The following KDM4C variants were observed in gnomAD, a reference collection of about 807,000 sequenced individuals.
KDM4C encodes lysine-specific demethylase 4C.
Under a neutral mutation model 129.3 loss-of-function variants are expected in KDM4C, and 81 were observed. The ratio of observed to expected loss-of-function variants is 0.63; its 90% CI spans 0.52 to 0.75. The LOEUF (loss-of-function observed/expected upper bound fraction) is 0.75, where lower values mean the gene tolerates loss of function less well. KDM4C is among the 30% of genes least tolerant of loss of function. The pLI, the probability that KDM4C is intolerant of heterozygous loss-of-function variation, is 0.00. For missense variants in KDM4C, 1,457 were observed against 1,304.0 expected, an observed-to-expected ratio of 1.12 and a Z score of -1.81; for synonymous variants, 573 against 456.1, an observed-to-expected ratio of 1.26 and a Z score of -3.26.
At chr9:6,840,519 C>A (rs528674348) in intron 4 of KDM4C, among the ~76,000 whole-genome samples, 19 of 152,256 alleles carry the variant, frequency 1.2e-4, no homozygotes, top group Admixed American at 1.3e-4. Flanking sequence ...GCCTCAGCCT[C>A]CCGAGTAGCT....
chr9:7,115,816 C>T (rs988106921), intron 18 of KDM4C, among the ~76,000 whole-genome samples: 1 of 152,230 alleles, frequency 6.6e-6, no homozygotes, highest in African/African-American at 2.4e-5. Context: ...AGAGGAATGC[C>T]TTATCTTCTT....
chr9:6,940,201 C>T (rs372838488), intron 8 of KDM4C, among the ~76,000 whole-genome samples: 14 of 152,272 alleles, frequency 9.2e-5, no homozygotes, highest in African/African-American at 3.4e-4. Flanking sequence ...AGTGATCCTC[C>T]TGCCTCAGCC....
chr9:6,757,532 C>A (rs1267900835), upstream of KDM4C: 1 of 703,488 alleles, frequency 1.4e-6, no homozygotes, highest in Non-Finnish European at 1.7e-6. Context: ...GGGAACACAG[C>A]GCTGTCATCG....
intron 18 of KDM4C, among the ~76,000 whole-genome samples, chr9:7,123,311 C>G (rs1470795772): frequency 6.6e-6 from 1 of 152,192 alleles, no homozygotes; most frequent in Non-Finnish European, 1.5e-5. Context: ...TTTCCAGACC[C>G]TGTGAGTTTC....
intron 8 of KDM4C, among the ~76,000 whole-genome samples, chr9:6,910,087 A>G (rs898855806): frequency 1.3e-5 from 2 of 152,190 alleles, no homozygotes; most frequent in Non-Finnish European, 2.9e-5. Flanking sequence ...TATAAAATGT[A>G]CTTGAATATT....
intron 17 of KDM4C, among the ~76,000 whole-genome samples, chr9:7,058,763 C>T (rs1209709375): frequency 6.6e-6 from 1 of 152,174 alleles, no homozygotes; most frequent in Non-Finnish European, 1.5e-5. Context: ...ACTTAGAAAG[C>T]ACTTCCACTG....
chr9:6,734,368 C>T (rs1248207862), intron 1 of KDM4C, among the ~76,000 whole-genome samples: 8 of 151,128 alleles, frequency 5.3e-5, no homozygotes, highest in Non-Finnish European at 2.9e-5. Flanking sequence ...GGTCTCAGCC[C>T]ACCACAACCT....
chr9:6,874,599 A>G (rs1465423941), intron 5 of KDM4C, among the ~76,000 whole-genome samples: 1 of 152,196 alleles, frequency 6.6e-6, no homozygotes, highest in Non-Finnish European at 1.5e-5. Context: ...GCTACAATTC[A>G]TGGAGCTAAA....
intron 4 of KDM4C, among the ~76,000 whole-genome samples, chr9:6,844,680 G>A (rs552665830): frequency 6.6e-6 from 1 of 152,234 alleles, no homozygotes; most frequent in South Asian, 2.1e-4. Flanking sequence ...CTTGGCATCT[G>A]ATAGGACTGA....
chr9:6,893,929 C>T lies in KDM4C; in HGVS notation c.921+697C>T, dbSNP rs544201860. Reference sequence around the variant, plus strand: ...TGGTGGTTTCTATTAGGTTTGCTTCCTTTCCTGTGGCTTTTAAGGGAAAGG... The same window carrying T: ...TGGTGGTTTCTATTAGGTTTGCTTCTTTTCCTGTGGCTTTTAAGGGAAAGG... On this transcript the variant is annotated intron_variant, in intron 8 of 21. Coordinates refer to ENST00000381309, the MANE Select transcript of KDM4C (RefSeq NM_015061.6). Among the ~76,000 whole-genome samples, 3 of 152,284 alleles carry T rather than the reference C, an allele frequency of 2.0e-5. No homozygotes were observed. In the East Asian group the frequency reaches 5.8e-4, roughly 29 times the overall value.
At chr9:6,819,321 G>A (rs549307099) in intron 4 of KDM4C, among the ~76,000 whole-genome samples, 1 of 152,302 alleles carries the variant, frequency 6.6e-6, no homozygotes, top group South Asian at 2.1e-4. Context: ...TTACTCATTG[G>A]CATTTCTTCA....
chr9:6,867,017 A>ATTTT (rs139668753), intron 5 of KDM4C, among the ~76,000 whole-genome samples: 15 of 83,772 alleles, frequency 1.8e-4, no homozygotes, highest in African/African-American at 4.5e-4. Context: ...ATATATATAT[A>ATTTT]TTTTTTTTTT....
At chr9:6,783,085 C>A (rs184013259) in intron 1 of KDM4C, among the ~76,000 whole-genome samples, 13 of 152,258 alleles carry the variant, frequency 8.5e-5, no homozygotes, top group Admixed American at 7.2e-4. Flanking sequence ...GAGATGCTTT[C>A]ACTTTTCACT....
chr9:7,172,365 T>C (rs1451427019), intron 21 of KDM4C, among the ~76,000 whole-genome samples: 2 of 152,188 alleles, frequency 1.3e-5, no homozygotes, highest in African/African-American at 4.8e-5. Flanking sequence ...ATAGCAACGG[T>C]GCATAATTAG....
At chr9:6,915,852 A>G (rs148294450) in intron 8 of KDM4C, among the ~76,000 whole-genome samples, 2 of 152,312 alleles carry the variant, frequency 1.3e-5, no homozygotes, top group Non-Finnish European at 1.5e-5. Context: ...GCAGTTTGCC[A>G]TCATGGAAGG....
At chr9:6,798,692 C>T (rs545531949) in intron 2 of KDM4C, among the ~76,000 whole-genome samples, 9 of 152,340 alleles carry the variant, frequency 5.9e-5, no homozygotes, top group African/African-American at 1.9e-4. Context: ...CCCCACCTTT[C>T]CCCCTTTTCT....
chr9:6,799,121 T>C (rs1263009085), intron 2 of KDM4C, among the ~76,000 whole-genome samples: 2 of 143,554 alleles, frequency 1.4e-5, no homozygotes, highest in Non-Finnish European at 3.0e-5. Context: ...TCCCAGACGA[T>C]GGGCGGCCAG....
At chr9:6,944,278 T>C (rs1826473279) in intron 8 of KDM4C, among the ~76,000 whole-genome samples, 3 of 152,246 alleles carry the variant, frequency 2.0e-5, no homozygotes, top group Admixed American at 2.0e-4. Context: ...TGCTTAATAT[T>C]ACAGTGGTAG....
chr9:7,001,879 T>A (rs1325723364), intron 12 of KDM4C, among the ~76,000 whole-genome samples: 1 of 152,120 alleles, frequency 6.6e-6, no homozygotes, highest in African/African-American at 2.4e-5. Flanking sequence ...ATCTGGAGGT[T>A]TTTCCCATGA....
Sources: gnomAD v4.1 joint callset for allele counts (sites outside exome capture counted in the v4.1 genomes callset) on GRCh38, gnomAD v4.1.1 for gene constraint, MANE v1.5 for transcripts, NCBI Gene and HGNC (gene_info 2026-07-23, HGNC 2026-07-21) for gene names.